The following TMEM135 variants were observed in gnomAD, a reference collection of about 807,000 sequenced individuals.
The protein encoded by TMEM135 is transmembrane protein 135.
A neutral mutation model predicts 60.3 loss-of-function variants in TMEM135; 30 were observed. The ratio of observed to expected loss-of-function variants is 0.50; its 90% confidence interval spans 0.37 to 0.68. The LOEUF is 0.68. Among genes scored for constraint, TMEM135 ranks in the 30% least tolerant of loss-of-function variants. The pLI is 0.00. For synonymous variants in TMEM135, 190 were observed against 186.7 expected, an observed-to-expected ratio of 1.02 and a Z score of -0.14; for missense variants, 468 against 548.8, an observed-to-expected ratio of 0.85 and a Z score of 1.47.
chr11:87,130,841 A>T (rs576939633), intron 4 of TMEM135, among the ~76,000 whole-genome samples: 19 of 151,968 alleles, frequency 1.3e-4, no homozygotes, highest in Non-Finnish European at 2.4e-4. Context: ...AAATTATTGG[A>T]GTGATCTAAT....
At chr11:87,070,258 G>A (rs188293537) in intron 2 of TMEM135, among the ~76,000 whole-genome samples, 16 of 152,078 alleles carry the variant, frequency 1.1e-4, no homozygotes, top group African/African-American at 3.6e-4. Context: ...ACTTTGTTCA[G>A]ATAATTTCTT....
intron 6 of TMEM135, among the ~76,000 whole-genome samples, chr11:87,275,191 C>A (rs771350968): frequency 6.6e-6 from 1 of 152,012 alleles, no homozygotes; most frequent in African/African-American, 2.4e-5. Context: ...TTCTCTTCTG[C>A]GGCATGGTTG....
chr11:87,112,639 A>G (rs1308360818), intron 4 of TMEM135, among the ~76,000 whole-genome samples: 2 of 152,140 alleles, frequency 1.3e-5, no homozygotes, highest in African/African-American at 4.8e-5. Flanking sequence ...ACTAAAATGT[A>G]AATGTAAGTG....
In TMEM135 at chr11:87,326,662, A is replaced by G. The variant is rs1254815803; in HGVS notation, c.*5329A>G. The G allele has an allele frequency of 4.4e-6, 2 of 453,750 alleles. No individual in the cohort carries two copies. The highest frequency in any genetic ancestry group is 8.8e-6 in the Non-Finnish European group (2 of 226,768). The allele number at this position is 453,750 out of a possible 1,614,324, so 28.1% of individuals were successfully genotyped here. ...CATGCTTTCCTGCCATATCTTTGCT[A>G]TGTATTTCTTCATCTTGAGCTCTCA... On this transcript the variant is annotated 3_prime_UTR_variant, in exon 15 of 15. Coordinates refer to ENST00000305494, the MANE Select transcript of TMEM135 (RefSeq NM_022918.4).
chr11:87,295,833 ATTTATT>A lies in TMEM135; in HGVS notation c.551+16_551+21del, dbSNP rs1942338810. 6.2e-7 allele frequency: 1 copy of A among 1,600,518 alleles called. No homozygotes were observed. Among genetic ancestry groups the A allele is most frequent in the Non-Finnish European group, 8.5e-7 (1 of 1,169,738 alleles). ...CATTTTCTGCACTTAGGTAAGAAAC[ATTTATT>A]TTTATGTTGAGAGAGAATTTACAAG... On this transcript the variant is annotated intron_variant, in intron 7 of 14. Coordinates refer to ENST00000305494, the MANE Select transcript of TMEM135 (RefSeq NM_022918.4).
At chr11:87,112,314 A>G (rs1203482171) in intron 4 of TMEM135, among the ~76,000 whole-genome samples, 1 of 152,166 alleles carries the variant, frequency 6.6e-6, no homozygotes, top group African/African-American at 2.4e-5. Flanking sequence ...AAACCAAAGG[A>G]AAAATAACTT....
chr11:87,175,586 G>A (rs946656133), intron 5 of TMEM135, among the ~76,000 whole-genome samples: 1 of 151,250 alleles, frequency 6.6e-6, no homozygotes, highest in South Asian at 2.1e-4. Context: ...TCATAATTTT[G>A]TCCTTAAACA....
At chr11:87,167,504 G>T (rs1939088383) in intron 5 of TMEM135, among the ~76,000 whole-genome samples, 1 of 152,136 alleles carries the variant, frequency 6.6e-6, no homozygotes, top group Non-Finnish European at 1.5e-5. Flanking sequence ...TTTCTTGAGT[G>T]CTTTTAGCAT....
chr11:87,286,834 A>T (rs993571759), intron 6 of TMEM135, among the ~76,000 whole-genome samples: 1 of 152,180 alleles, frequency 6.6e-6, no homozygotes, highest in Non-Finnish European at 1.5e-5. Context: ...AGTTCCAGCT[A>T]TTGTCTGTAA....
At chr11:87,315,084 CCAAA>C (rs892365073) in intron 12 of TMEM135, among the ~76,000 whole-genome samples, 25 of 151,882 alleles carry the variant, frequency 1.6e-4, no homozygotes, top group Non-Finnish European at 2.4e-4. Flanking sequence ...TAATCAAGTT[CCAAA>C]CAAAGTTTCT....
chr11:87,163,542 G>A (rs947488521), intron 5 of TMEM135, among the ~76,000 whole-genome samples: 8 of 151,918 alleles, frequency 5.3e-5, no homozygotes, highest in Non-Finnish European at 1.2e-4. Flanking sequence ...TAGTCCTTTG[G>A]GTATGTACCC....
chr11:87,300,872 G>A (rs1206764721), intron 7 of TMEM135, among the ~76,000 whole-genome samples: 4 of 152,192 alleles, frequency 2.6e-5, no homozygotes, highest in Non-Finnish European at 4.4e-5. Context: ...GCCTGGGACA[G>A]GGCCAGCTTC....
intron 6 of TMEM135, among the ~76,000 whole-genome samples, chr11:87,255,106 C>T (rs553058920): frequency 1.3e-5 from 2 of 152,120 alleles, no homozygotes; most frequent in African/African-American, 4.8e-5. Context: ...ATTTCTCCCC[C>T]ACTCTGACAC....
chr11:87,309,526 G>T lies in TMEM135; in HGVS notation c.790G>T (p.Val264Leu), dbSNP rs753736606. ...CIKGFIRMFS[V>L]GYLIQCCLRI... ...CTAGGGTTTCATCAGAATGTTTAGC[G>T]TGGGGTACTTGATCCAGTGCTGCCT... Residue 264 changes from valine (V) to leucine (L), a missense_variant, in exon 10 of 15, where the codon GTG becomes TTG. Transcript: ENST00000305494. 6.2e-7 allele frequency: 1 copy of T among 1,613,630 alleles called. No homozygotes were observed. The highest frequency in any genetic ancestry group is 1.7e-5 in the Admixed American group (1 of 59,972).
chr11:87,065,407 G>A (rs1856629968), intron 1 of TMEM135, among the ~76,000 whole-genome samples: 1 of 152,074 alleles, frequency 6.6e-6, no homozygotes, highest in Non-Finnish European at 1.5e-5. Flanking sequence ...ACACCTCATT[G>A]TGGCTTTAAC....
chr11:87,055,179 A>G (rs565748982), intron 1 of TMEM135, among the ~76,000 whole-genome samples: 4 of 152,226 alleles, frequency 2.6e-5, no homozygotes, highest in Non-Finnish European at 1.5e-5. Flanking sequence ...AGGAAGTGAC[A>G]TGGTGATTAT....
intron 4 of TMEM135, among the ~76,000 whole-genome samples, chr11:87,102,642 T>G (rs1262234454): frequency 1.3e-5 from 2 of 150,064 alleles, no homozygotes; most frequent in African/African-American, 2.4e-5. Flanking sequence ...AAGTCATAAT[T>G]GTATACATCT....
At chr11:87,297,177 A>C (rs770038244) in intron 7 of TMEM135, among the ~76,000 whole-genome samples, 3 of 152,182 alleles carry the variant, frequency 2.0e-5, no homozygotes, top group Non-Finnish European at 4.4e-5. Context: ...TAAGACTTGT[A>C]ATGAGTGAAA....
chr11:87,075,213 C>T (rs1856846081), intron 3 of TMEM135, among the ~76,000 whole-genome samples: 1 of 151,992 alleles, frequency 6.6e-6, no homozygotes. Context: ...GGCTGGAGTG[C>T]GGTGGCGCCA....
Sources: allele counts gnomAD v4.1 joint callset (sites outside exome capture counted in the v4.1 genomes callset), GRCh38; gene constraint gnomAD v4.1.1; transcripts MANE v1.5; gene names NCBI Gene and HGNC (gene_info 2026-07-23, HGNC 2026-07-21).